Variants in PDGFD observed in about 807,000 individuals in gnomAD.
The protein encoded by PDGFD is platelet derived growth factor D.
A neutral mutation model predicts 44.7 loss-of-function variants in PDGFD; 30 were observed. That is an observed-to-expected ratio of 0.67 (90% CI 0.50 to 0.91). PDGFD has a LOEUF of 0.91. PDGFD is among the 40% of genes least tolerant of loss of function. The pLI, the probability that PDGFD is intolerant of heterozygous loss-of-function variation, is 0.00. For synonymous variants in PDGFD, 173 were observed against 168.4 expected (o/e 1.03, Z -0.21); for missense variants, 445 against 457.8 (o/e 0.97, Z 0.25).
At chr11:103,993,802 C>A (rs1013520265) in intron 3 of PDGFD, among the ~76,000 whole-genome samples, 1 of 152,060 alleles carries the variant, frequency 6.6e-6, no homozygotes, top group Admixed American at 6.5e-5. Context: ...AATACTTTGG[C>A]TTTAGTGGGC....
intron 1 of PDGFD, among the ~76,000 whole-genome samples, chr11:104,067,962 T>C (rs1362954745): frequency 6.6e-6 from 1 of 152,168 alleles, no homozygotes; most frequent in Non-Finnish European, 1.5e-5. Context: ...GAAAGAATTA[T>C]ATATGTGAAA....
chr11:104,114,528 CA>C (rs1861604007), intron 1 of PDGFD, among the ~76,000 whole-genome samples: 1 of 152,010 alleles, frequency 6.6e-6, no homozygotes, highest in Non-Finnish European at 1.5e-5. Flanking sequence ...TGGGTAGTGT[CA>C]GTCCTCCAAC....
chr11:104,110,531 A>C (rs780182299), intron 1 of PDGFD, among the ~76,000 whole-genome samples: 19 of 151,678 alleles, frequency 1.3e-4, no homozygotes, highest in Non-Finnish European at 2.1e-4. Context: ...AAAAAAAAGA[A>C]ACTTACACAG....
chr11:103,968,759 TTATACTACCC>T (rs1025251760), intron 3 of PDGFD, among the ~76,000 whole-genome samples: 3 of 152,196 alleles, frequency 2.0e-5, no homozygotes, highest in African/African-American at 7.2e-5. Flanking sequence ...ACATACAGCA[TTATACTACCC>T]ATGTAACTTC....
chr11:103,982,477 T>C (rs1186411417), intron 3 of PDGFD, among the ~76,000 whole-genome samples: 4 of 151,564 alleles, frequency 2.6e-5, no homozygotes, highest in Non-Finnish European at 5.9e-5. Flanking sequence ...TTAAAAAGAC[T>C]GGAAAGAAAT....
intron 3 of PDGFD, among the ~76,000 whole-genome samples, chr11:103,990,482 T>C (rs1214044053): frequency 2.0e-5 from 3 of 152,230 alleles, no homozygotes; most frequent in African/African-American, 4.8e-5. Context: ...TATGTATGCA[T>C]GTACTTCGCT....
chr11:104,009,656 G>A (rs559746308), intron 1 of PDGFD, among the ~76,000 whole-genome samples: 2 of 151,924 alleles, frequency 1.3e-5, no homozygotes, highest in East Asian at 3.9e-4. Flanking sequence ...AAATGAATAG[G>A]TCAATTTGTA....
chr11:103,921,520 G>T (rs1858219537), intron 6 of PDGFD, among the ~76,000 whole-genome samples: 1 of 151,474 alleles, frequency 6.6e-6, no homozygotes, highest in African/African-American at 2.4e-5. Flanking sequence ...TTATGATGGG[G>T]CTATATCCTG....
At chr11:104,095,591 G>T (rs74385865) in intron 1 of PDGFD, among the ~76,000 whole-genome samples, 2 of 134,594 alleles carry the variant, frequency 1.5e-5, no homozygotes, top group Non-Finnish European at 3.2e-5. Context: ...AAGAAAATGA[G>T]AGAAGAAGAA....
chr11:103,942,255 G>T (rs1858596522), intron 5 of PDGFD, among the ~76,000 whole-genome samples: 1 of 152,144 alleles, frequency 6.6e-6, no homozygotes, highest in South Asian at 2.1e-4. Flanking sequence ...AGCCTTTCGA[G>T]ACCTTTTAGG....
intron 1 of PDGFD, among the ~76,000 whole-genome samples, chr11:104,009,900 C>T (rs1859757681): frequency 6.6e-6 from 1 of 152,080 alleles, no homozygotes; most frequent in Admixed American, 6.6e-5. Flanking sequence ...CTGAAGTCCT[C>T]CTGGGACTAT....
intron 1 of PDGFD, among the ~76,000 whole-genome samples, chr11:104,077,648 C>G (rs535163744): frequency 6.6e-6 from 1 of 152,050 alleles, no homozygotes; most frequent in African/African-American, 2.4e-5. Context: ...CAAAGTTGTG[C>G]AAAATATTGT....
chr11:104,160,885 C>A (rs1035654556), intron 1 of PDGFD, among the ~76,000 whole-genome samples: 10 of 152,150 alleles, frequency 6.6e-5, no homozygotes, highest in African/African-American at 2.4e-4. Flanking sequence ...TATCATTCGA[C>A]AACCCTAACA....
chr11:104,102,801 C>G (rs1019694767), intron 1 of PDGFD, among the ~76,000 whole-genome samples: 2 of 152,050 alleles, frequency 1.3e-5, no homozygotes, highest in Admixed American at 6.6e-5. Context: ...AGCTGGAAAC[C>G]ATCATTCTCA....
At chr11:103,994,829 C>T (rs1010041497) in intron 3 of PDGFD, among the ~76,000 whole-genome samples, 4 of 150,888 alleles carry the variant, frequency 2.7e-5, no homozygotes, top group African/African-American at 9.8e-5. Flanking sequence ...GCCTAACGTA[C>T]AGCACTCAGT....
chr11:103,936,502 A>G (rs1390469431), intron 5 of PDGFD, among the ~76,000 whole-genome samples: 1 of 152,246 alleles, frequency 6.6e-6, no homozygotes, highest in Admixed American at 6.5e-5. Flanking sequence ...TTCTGACTTA[A>G]GAGAACTCAG....
chr11:104,123,231 T>C (rs891561896), intron 1 of PDGFD, among the ~76,000 whole-genome samples: 1 of 152,098 alleles, frequency 6.6e-6, no homozygotes, highest in Non-Finnish European at 1.5e-5. Context: ...CAGAAGTTAT[T>C]TGATAATTGG....
At chr11:104,114,409 T>C (rs1221748961) in intron 1 of PDGFD, among the ~76,000 whole-genome samples, 2 of 152,046 alleles carry the variant, frequency 1.3e-5, no homozygotes, top group Non-Finnish European at 2.9e-5. Flanking sequence ...ACTATAATTA[T>C]ATGGGTCTAT....
intron 1 of PDGFD, among the ~76,000 whole-genome samples, chr11:104,110,646 A>G (rs541838680): frequency 7.1e-4 from 108 of 152,258 alleles, no homozygotes; most frequent in Non-Finnish European, 1.3e-3. Context: ...GTACGGGCAT[A>G]GGAAACTGTG....
Sources: gnomAD v4.1 joint callset for allele counts (sites outside exome capture counted in the v4.1 genomes callset) on GRCh38, gnomAD v4.1.1 for gene constraint, MANE v1.5 for transcripts, NCBI Gene and HGNC (gene_info 2026-07-23, HGNC 2026-07-21) for gene names.